EEF2KMT: variants seen among roughly 807,000 people sequenced by gnomAD.
EEF2KMT encodes protein-lysine N-methyltransferase EEF2KMT.
A neutral mutation model predicts 35.1 loss-of-function variants in EEF2KMT; 30 were observed. The ratio of observed to expected loss-of-function variants is 0.85; its 90% CI spans 0.64 to 1.16. EEF2KMT has a LOEUF of 1.16. EEF2KMT is among the 50% of genes most tolerant of loss of function. The probability of loss-of-function intolerance (pLI) is 0.00; values close to 1 mark genes in which losing one functional copy is unlikely to be tolerated. For missense variants in EEF2KMT, 499 were observed against 438.2 expected (o/e 1.14, Z -1.24); for synonymous variants, 190 against 187.7 (o/e 1.01, Z -0.10).
rs371249384 is a variant in EEF2KMT, at chr16:5,090,391, G to A, written c.476+41C>T. The A allele has an allele frequency of 8.7e-6, 14 of 1,611,896 alleles. No homozygotes were observed. In the East Asian group the frequency reaches 1.1e-4, roughly 13 times the overall value. On this transcript the variant is annotated intron_variant, in intron 5 of 7. Transcript: ENST00000427587. This position sits in a 1 kb window ranked among gnomAD's most constrained non-coding sequence, Gnocchi z 4.1. ...GGACCGTGTCTGCGACTGCACCAGG[G>A]TAAGCCTGCCTCGGTGCCCTGCCCT...
At chr16:5,091,399 G>A (rs1333649598) in intron 4 of EEF2KMT, among the ~76,000 whole-genome samples, 1 of 151,854 alleles carries the variant, frequency 6.6e-6, no homozygotes, top group Admixed American at 6.6e-5. Context: ...TGTATTTTTA[G>A]TAGAGACAGG....
intron 1 of EEF2KMT, among the ~76,000 whole-genome samples, chr16:5,096,849 G>T (rs1957479332): frequency 2.0e-5 from 3 of 152,208 alleles, no homozygotes; most frequent in Admixed American, 2.0e-4. Context: ...TTTTATGAAG[G>T]TTTCTATTTT....
intron 2 of EEF2KMT, 77 bp downstream of exon 2, chr16:5,095,375 C>G: frequency 6.2e-7 from 1 of 1,605,538 alleles, no homozygotes; most frequent in Non-Finnish European, 8.5e-7. Context: ...ACAAGCACAC[C>G]TGCAGTTCTT....
intron 1 of EEF2KMT, among the ~76,000 whole-genome samples, chr16:5,097,034 A>G (rs763592016): frequency 7.9e-5 from 12 of 152,228 alleles, no homozygotes; most frequent in Non-Finnish European, 1.6e-4. Flanking sequence ...TGAATTACAA[A>G]TGAGGCCGGG....
At chr16:5,093,369 G>A (rs1416474792) in intron 3 of EEF2KMT, 115 bp downstream of exon 3, 4 of 1,524,114 alleles carry the variant, frequency 2.6e-6, no homozygotes, top group Admixed American at 3.7e-5. Context: ...TGCCTGGGGA[G>A]GCCCCTGCCA....
chr16:5,084,447 A>C lies in EEF2KMT; in HGVS notation c.*1185T>G. 1 of 550,078 alleles carries C rather than the reference A, an allele frequency of 1.8e-6. No individual in the cohort carries two copies. The highest frequency in any genetic ancestry group is 2.0e-5 in the South Asian group (1 of 49,294). 34.1% of individuals were successfully genotyped at this position (550,078 alleles called of 1,614,324 possible). A position where few individuals can be genotyped will look rare whatever the true frequency, so the allele number is the denominator to read the frequency against. ...CCCTTGTTACCCACAGATGGGTGAGACTGCGTTGGCCAGAGGCCGAGAGGA... is the reference window on the plus strand; with the variant it reads ...CCCTTGTTACCCACAGATGGGTGAGCCTGCGTTGGCCAGAGGCCGAGAGGA... On this transcript the variant is annotated 3_prime_UTR_variant, in exon 8 of 8. Transcript: ENST00000427587.
chr16:5,097,068 G>A lies in EEF2KMT; in HGVS notation c.96+576C>T, dbSNP rs561151941. ...GGTGCATTAAGCCCCTCTGCTGGCA[G>A]AAGGGAGGCTGCTGCCTGCCATGGG... On this transcript the variant is annotated intron_variant, in intron 1 of 7. Transcript: ENST00000427587. 1.8e-3 allele frequency among the ~76,000 whole-genome samples: 269 copies of A among 152,338 alleles called. 2 individuals carry two copies. The highest frequency in any genetic ancestry group is 3.3e-3 in the Non-Finnish European group (222 of 68,032).
chr16:5,090,582 CGA>C lies in EEF2KMT; in HGVS notation c.343-19_343-18del, dbSNP rs759467961. 28 of 1,611,866 alleles carry C rather than the reference CGA, an allele frequency of 1.7e-5. No individual in the cohort carries two copies. Among genetic ancestry groups the C allele is most frequent in the East Asian group, 2.2e-5 (1 of 44,866 alleles). ...TCCCGAGGGCTGCACCAAGAGAAGG[CGA>C]GAGAGTCAGTCCAGCGATCAGAAGG... On this transcript the variant is annotated intron_variant, in intron 4 of 7. Transcript: ENST00000427587. This position sits in a 1 kb window ranked among gnomAD's most constrained non-coding sequence, Gnocchi z 4.1.
chr16:5,089,973 C>T, intron 6 of EEF2KMT, 111 bp downstream of exon 6: 3 of 1,508,950 alleles, frequency 2.0e-6, no homozygotes, highest in Admixed American at 2.0e-5. Context: ...CTTCTGGAAG[C>T]CCCATCATGT....
chr16:5,094,690 A>G (rs1217712162), intron 2 of EEF2KMT, among the ~76,000 whole-genome samples: 1 of 139,818 alleles, frequency 7.2e-6, no homozygotes, highest in South Asian at 2.2e-4. Flanking sequence ...AAGCCCTGGT[A>G]TTGCCCCGAA....
chr16:5,087,829 G>A (rs971697182), intron 7 of EEF2KMT, among the ~76,000 whole-genome samples: 3 of 149,956 alleles, frequency 2.0e-5, no homozygotes, highest in African/African-American at 7.3e-5. Flanking sequence ...AAAGGTGGGT[G>A]GGGGCTTATA....
At chr16:5,093,432 A>T in intron 3 of EEF2KMT, 52 bp downstream of exon 3, 18 of 1,611,198 alleles carry the variant, frequency 1.1e-5, no homozygotes, top group Non-Finnish European at 1.5e-5. Flanking sequence ...GGGCTCCAGC[A>T]CGCAGGTGGC....
intron 7 of EEF2KMT, among the ~76,000 whole-genome samples, chr16:5,088,609 G>A (rs1170673861): frequency 6.6e-6 from 1 of 152,114 alleles, no homozygotes; most frequent in Non-Finnish European, 1.5e-5. Context: ...ACAGTTGCTG[G>A]GGGCTGACAA....
At chr16:5,095,548 C>T (rs372971143) in intron 1 of EEF2KMT, 34 bp from the exon 2 acceptor site, 33 of 1,610,460 alleles carry the variant, frequency 2.0e-5, no homozygotes, top group African/African-American at 1.3e-4. Context: ...ATCTCAAGGG[C>T]GCATTCACAG....
At chr16:5,086,100 C>A (rs1957153749) in intron 7 of EEF2KMT, among the ~76,000 whole-genome samples, 1 of 152,178 alleles carries the variant, frequency 6.6e-6, no homozygotes, top group Admixed American at 6.5e-5. Flanking sequence ...CTTTGGGAGG[C>A]CAAGGCGGGC....
At chr16:5,091,766 G>A in intron 4 of EEF2KMT, 28 bp downstream of exon 4, 1 of 1,610,922 alleles carries the variant, frequency 6.2e-7, no homozygotes, top group Non-Finnish European at 8.5e-7. Context: ...TCTGGGCTGT[G>A]AGGGGGAGGA....
At chr16:5,097,310 A>C in intron 1 of EEF2KMT, 1 of 1,360,718 alleles carries the variant, frequency 7.3e-7, no homozygotes, top group East Asian at 4.1e-5. Flanking sequence ...ACTTTTTAGA[A>C]TGGGCGAGGG....
chr16:5,090,480 A>G lies in EEF2KMT; in HGVS notation c.428T>C (p.Leu143Pro). 6.2e-7 allele frequency: 1 copy of G among 1,611,916 alleles called. No homozygotes were observed. Among genetic ancestry groups the G allele is most frequent in the Non-Finnish European group, 8.5e-7 (1 of 1,179,828 alleles). ...TTGLVTWDAA[L>P]YLAEWAIENP... is the part of the protein sequence containing the mutation. ...CTCGATGGCCCATTCTGCAAGGTAG[A>G]GGGCGGCGTCCCATGTGACCAGGCC... Residue 143 changes from leucine to proline, a missense_variant, in exon 5 of 8, where the codon CTC becomes CCC. Transcript: ENST00000427587. The surrounding 1 kb of genome is among the most constrained non-coding windows in gnomAD (Gnocchi z 4.1).
At chr16:5,095,839 A>G (rs113037920) in intron 1 of EEF2KMT, among the ~76,000 whole-genome samples, 12 of 17,468 alleles carry the variant, frequency 6.9e-4, no homozygotes, top group Non-Finnish European at 8.2e-4. Flanking sequence ...CTTGCCATCT[A>G]AGTGGAGATG....
Sources: allele counts gnomAD v4.1 joint callset (sites outside exome capture counted in the v4.1 genomes callset), GRCh38; gene constraint gnomAD v4.1.1; non-coding constraint Gnocchi (gnomAD v3.1); transcripts MANE v1.5; gene names NCBI Gene and HGNC (gene_info 2026-07-23, HGNC 2026-07-21).